The following ZNF93 variants were observed in gnomAD, a reference collection of about 807,000 sequenced individuals.
ZNF93 encodes the protein zinc finger protein 93, also known as zinc finger protein 505.
Under a neutral mutation model 45.0 loss-of-function variants are expected in ZNF93, and 29 were observed. The ratio of observed to expected loss-of-function variants is 0.64; its 90% CI spans 0.48 to 0.88. The LOEUF (loss-of-function observed/expected upper bound fraction) is 0.88. Ranked by LOEUF, ZNF93 falls within the 40% of genes least tolerant of loss-of-function variation. The pLI is 0.00. For missense variants in ZNF93, 578 were observed against 724.0 expected, an observed-to-expected ratio of 0.80 and a Z score of 2.31; for synonymous variants, 223 against 244.6, an observed-to-expected ratio of 0.91 and a Z score of 0.82.
At position 19,933,638 on chromosome 19, in the gene ZNF93, C is replaced by CGTT. The variant is rs754233022; in HGVS notation, c.683_684insGTT (p.Pro228_Tyr229insLeu). The CGTT allele has an allele frequency of 6.2e-7, 1 of 1,611,400 alleles. No homozygotes were observed. On this transcript the variant is annotated inframe_insertion, in exon 4 of 4. Coordinates refer to ENST00000343769, the MANE Select transcript of ZNF93 (RefSeq NM_031218.4). ...AAGAGAATTCATACTGGAGAGAAAC[C>CGTT]ATACAAGTGTGATAAATGTGACAAA...
chr19:19,915,232 A>C (rs1355039741), intron 1 of ZNF93, 48 bp from the exon 2 acceptor site: 2 of 1,612,000 alleles, frequency 1.2e-6, no homozygotes, highest in Non-Finnish European at 1.7e-6. Context: ...TAAAATTAAA[A>C]ATTCCACCCA....
At chr19:19,912,213 T>G (rs1206887149) in intron 1 of ZNF93, among the ~76,000 whole-genome samples, 1 of 152,202 alleles carries the variant, frequency 6.6e-6, no homozygotes, top group African/African-American at 2.4e-5. Flanking sequence ...CTCTGGGATT[T>G]AAGTTTCTTT....
intron 3 of ZNF93, chr19:19,927,372 A>G (rs2063359502): frequency 1.0e-5 from 4 of 395,134 alleles, no homozygotes; most frequent in Non-Finnish European, 1.8e-5. Context: ...AAAGCTGTTC[A>G]TTTCAGGCAT....
intron 3 of ZNF93, among the ~76,000 whole-genome samples, chr19:19,922,014 C>T (rs542717086): frequency 2.6e-5 from 4 of 152,204 alleles, no homozygotes; most frequent in South Asian, 4.2e-4. Context: ...TTTGCTCATT[C>T]GTTGATGCAG....
chr19:19,916,926 C>T (rs912470586), intron 3 of ZNF93, among the ~76,000 whole-genome samples: 3 of 152,120 alleles, frequency 2.0e-5, no homozygotes, highest in Non-Finnish European at 4.4e-5. Flanking sequence ...CTCTTGATGG[C>T]ATATAAGAGA....
intron 3 of ZNF93, among the ~76,000 whole-genome samples, chr19:19,931,121 C>G (rs2063372868): frequency 6.7e-6 from 1 of 150,042 alleles, no homozygotes; most frequent in Admixed American, 6.7e-5. Context: ...CTTAGGCATT[C>G]TATATCTTTT....
At chr19:19,920,908 A>AT (rs1325851069) in intron 3 of ZNF93, among the ~76,000 whole-genome samples, 9 of 152,064 alleles carry the variant, frequency 5.9e-5, no homozygotes, top group East Asian at 5.8e-4. Flanking sequence ...GGATTCATTG[A>AT]TTTTTTGAAG....
In ZNF93 at chr19:19,900,956, GCA is replaced by G; in HGVS notation, c.-132_-131del. On this transcript the variant is annotated 5_prime_UTR_variant, in exon 1 of 4. Transcript: ENST00000343769. Reference sequence around the variant, plus strand: ...TTTGGCGGGTCCTTTGTCTCTCGGTGCAGCCGGAGCTCCAGGTCTCCTCTTCA... The same window carrying G: ...TTTGGCGGGTCCTTTGTCTCTCGGTGGCCGGAGCTCCAGGTCTCCTCTTCA... 2 of 1,464,344 alleles carry G rather than the reference GCA, an allele frequency of 1.4e-6. No individual in the cohort carries two copies. Among genetic ancestry groups the G allele is most frequent in the Non-Finnish European group, 1.9e-6 (2 of 1,057,596 alleles). The allele number at this position is 1,464,344 out of a possible 1,614,324, so 90.7% of individuals were successfully genotyped here.
chr19:19,919,884 T>C (rs1272622834), intron 3 of ZNF93, among the ~76,000 whole-genome samples: 3 of 152,350 alleles, frequency 2.0e-5, no homozygotes, highest in African/African-American at 7.2e-5. Context: ...TATACAATCA[T>C]GTCATCTGCA....
At chr19:19,903,204 G>A (rs1313467470) in intron 1 of ZNF93, among the ~76,000 whole-genome samples, 1 of 152,170 alleles carries the variant, frequency 6.6e-6, no homozygotes, top group Non-Finnish European at 1.5e-5. Flanking sequence ...AAAAATGTAG[G>A]CAGAAAAGGG....
Position 19,933,695 on chromosome 19 carries a change from A to G in ZNF93, c.740A>G (p.His247Arg), listed in dbSNP as rs752434302. Residue 247 changes from histidine to arginine, a missense_variant, in exon 4 of 4, where the codon CAT (histidine) becomes CGT (arginine). Coordinates refer to ENST00000343769, the MANE Select transcript of ZNF93 (RefSeq NM_031218.4). ...ATTGCATCCTCAACCCTTAGTAAAC[A>G]TGAGATCATTCATACTGGAAAGAAA... ...AFIASSTLSK[H>R]EIIHTGKKPY... The G allele has an allele frequency of 1.9e-6, 3 of 1,613,234 alleles. 1 individual carries two copies. The highest frequency in any genetic ancestry group is 2.5e-6 in the Non-Finnish European group (3 of 1,179,614).
At chr19:19,915,676 A>C (rs2063321712) in intron 2 of ZNF93, among the ~76,000 whole-genome samples, 1 of 152,038 alleles carries the variant, frequency 6.6e-6, no homozygotes, top group Non-Finnish European at 1.5e-5. Context: ...CCCCATCTCT[A>C]CTAAAAATAC....
rs183760317 is a variant in ZNF93 at position 19,911,874 on chromosome 19, C to G, written c.4-3406C>G. Among the ~76,000 whole-genome samples, 220 of 152,032 alleles carry G rather than the reference C, an allele frequency of 1.4e-3. 1 individual carries two copies. The highest frequency in any genetic ancestry group is 4.9e-3 in the African/African-American group (203 of 41,448). ...AGGTGACTTTCCCTTCTCAGCCTCC[C>G]GAGTAGCTGGGATTACAGTTGCCTG... On this transcript the variant is annotated intron_variant, in intron 1 of 3. Coordinates refer to ENST00000343769, the MANE Select transcript of ZNF93 (RefSeq NM_031218.4).
chr19:19,912,959 C>G (rs2063313652), intron 1 of ZNF93, among the ~76,000 whole-genome samples: 1 of 152,118 alleles, frequency 6.6e-6, no homozygotes, highest in East Asian at 1.9e-4. Context: ...TCTTCTGTTT[C>G]CTCTGTAAAT....
At chr19:19,905,315 G>C (rs1040468201) in intron 1 of ZNF93, among the ~76,000 whole-genome samples, 3 of 151,866 alleles carry the variant, frequency 2.0e-5, no homozygotes, top group Non-Finnish European at 4.4e-5. Flanking sequence ...TTTCACTGAG[G>C]TACTAAACAT....
chr19:19,932,954 G>T, intron 3 of ZNF93: 1 of 312,882 alleles, frequency 3.2e-6, no homozygotes, highest in Non-Finnish European at 5.7e-6. Flanking sequence ...TTTTTCAATT[G>T]TTTGTTTTTG....
Position 19,935,167 on chromosome 19 carries a change from A to G in ZNF93, c.*349A>G, listed in dbSNP as rs563974102. On this transcript the variant is annotated 3_prime_UTR_variant, in exon 4 of 4. Transcript: ENST00000343769. ...TCATCCACATCCTGATACAAGGCCC[A>G]CCATATGCAGACCTGACTGCCAAAA... is the stretch of plus-strand genomic sequence containing the variant. The G allele has an allele frequency of 2.6e-4, 64 of 243,770 alleles. No individual in the cohort carries two copies. Among genetic ancestry groups the G allele is most frequent in the Admixed American group, 1.8e-3 (36 of 20,162 alleles). The allele number at this position is 243,770 out of a possible 1,614,324, so 15.1% of individuals were successfully genotyped here. A position where few individuals can be genotyped will look rare whatever the true frequency, so the allele number is the denominator to read the frequency against.
chr19:19,913,282 C>G (rs2063314734), intron 1 of ZNF93, among the ~76,000 whole-genome samples: 1 of 152,156 alleles, frequency 6.6e-6, no homozygotes, highest in Admixed American at 6.5e-5. Context: ...GGTTATCAGC[C>G]CAGGCTTCTC....
chr19:19,915,552 A>G (rs893510893), intron 2 of ZNF93, 146 bp downstream of exon 2: 1 of 1,231,068 alleles, frequency 8.1e-7, no homozygotes, highest in Non-Finnish European at 1.1e-6. Context: ...TTGTTCATTT[A>G]GAAAAGAATT....
Sources: allele counts gnomAD v4.1 joint callset (sites outside exome capture counted in the v4.1 genomes callset), GRCh38; gene constraint gnomAD v4.1.1; transcripts MANE v1.5; gene names NCBI Gene and HGNC (gene_info 2026-07-23, HGNC 2026-07-21).